CFAP46: variants seen among roughly 807,000 people sequenced by gnomAD.
CFAP46 encodes cilia and flagella associated protein 46.
CFAP46 carries 245 observed loss-of-function variants against 325.7 expected under a neutral mutation model. That is an observed-to-expected ratio of 0.75 (90% confidence interval 0.68 to 0.84). The LOEUF (loss-of-function observed/expected upper bound fraction) is 0.84, where lower values mean the gene tolerates loss of function less well. Among genes scored for constraint, CFAP46 ranks in the 40% least tolerant of loss-of-function variants. CFAP46 has a pLI of 0.00. For missense variants in CFAP46, 3,346 were observed against 3,543.0 expected, an observed-to-expected ratio of 0.94 and a Z score of 1.41; for synonymous variants, 1,523 against 1,495.9, an observed-to-expected ratio of 1.02 and a Z score of -0.42.
In CFAP46 at chr10:132,850,279, C is replaced by A. The variant is rs1054414118; in HGVS notation, c.5917G>T (p.Val1973Leu). 3 of 1,550,720 alleles carry A rather than the reference C, an allele frequency of 1.9e-6. No individual in the cohort carries two copies. The highest frequency in any genetic ancestry group is 2.4e-5 in the South Asian group (2 of 84,062). ...LHLLAMQADPVHPTCYWEAGP... is the reference protein window; with the variant it reads ...LHLLAMQADPLHPTCYWEAGP... The stretch of plus-strand genomic sequence containing the variant: ...GCCTCCCAGTAGCAGGTAGGGTGCA[C>A]AGGGTCAGCTTGCATGGCCAGCAGG... Residue 1973 changes from valine to leucine, a missense_variant, in exon 41 of 58, where the codon GTG (valine) becomes TTG (leucine). Coordinates refer to ENST00000368586, the MANE Select transcript of CFAP46 (RefSeq NM_001200049.3).
chr10:132,855,194 G>C (rs1848623260), intron 39 of CFAP46, among the ~76,000 whole-genome samples: 1 of 152,108 alleles, frequency 6.6e-6, no homozygotes, highest in Admixed American at 6.5e-5. Context: ...TTGCTTCATT[G>C]ATTGTGAAAC....
intron 29 of CFAP46, 57 bp from the exon 30 acceptor site, chr10:132,878,144 GC>G: frequency 6.7e-7 from 1 of 1,484,120 alleles, no homozygotes; most frequent in South Asian, 1.2e-5. Flanking sequence ...CGCCCACTCT[GC>G]CCACCCTCCA....
chr10:132,851,122 C>T lies in CFAP46; in HGVS notation c.5758G>A (p.Gly1920Ser), dbSNP rs143825819. 725 of 1,613,752 alleles carry T rather than the reference C, an allele frequency of 4.5e-4. No homozygotes were observed. In the African/African-American group the frequency reaches 8.1e-3, roughly 18 times the overall value. Reference protein sequence around the residue: ...LQNTSDYTSVGLQWFTLKRTL... With the variant: ...LQNTSDYTSVSLQWFTLKRTL... ...TCTGTGACCCCAGCAATTACCAGGC[C>T]GACGGAAGTGTAGTCACTGGTGTTC... The change falls in exon 40 of 58, where the codon GGC becomes AGC. Residue 1920 changes from glycine (G) to serine (S), a missense_variant. Physicochemically the swap from Gly to Ser is moderately conservative, Grantham distance 56. Transcript: ENST00000368586.
chr10:132,845,977 C>A, intron 44 of CFAP46, 80 bp downstream of exon 44: 5 of 1,455,978 alleles, frequency 3.4e-6, no homozygotes, highest in Non-Finnish European at 4.6e-6. Flanking sequence ...CTCGCTCAGG[C>A]GTGGGACTGT....
intron 56 of CFAP46, 93 bp downstream of exon 56, chr10:132,810,857 C>A: frequency 8.3e-7 from 1 of 1,211,710 alleles, no homozygotes; most frequent in South Asian, 1.3e-5. Context: ...GAAACCCGAC[C>A]CCAGGTCCCT....
rs138347723 is a variant in CFAP46 at position 132,880,721 on chromosome 10, G to A, written c.3799+140C>T. 704 of 778,122 alleles carry A rather than the reference G, an allele frequency of 9.0e-4. 4 individuals are homozygous for A. The highest frequency in any genetic ancestry group is 5.7e-3 in the South Asian group (301 of 52,850). The allele number at this position is 778,122 out of a possible 1,614,324, so 48.2% of individuals were successfully genotyped here. A position where few individuals can be genotyped will look rare whatever the true frequency, so the allele number is the denominator to read the frequency against. ...GTCAGGGGCCCCTGCAGAGGACAGC[G>A]CTGAGACACGTCAGGGGCTCCTGGC... On this transcript the variant is annotated intron_variant, in intron 28 of 57. Transcript: ENST00000368586.
intron 50 of CFAP46, among the ~76,000 whole-genome samples, chr10:132,818,021 C>A (rs1199169875): frequency 6.6e-6 from 1 of 152,224 alleles, no homozygotes; most frequent in Admixed American, 6.5e-5. Flanking sequence ...TGGGCCCACC[C>A]AGATCCCCAG....
At chr10:132,878,790 C>T (rs1166600584) in intron 29 of CFAP46, among the ~76,000 whole-genome samples, 1 of 152,170 alleles carries the variant, frequency 6.6e-6, no homozygotes, top group Middle Eastern at 3.2e-3. Flanking sequence ...CCTGAGATGC[C>T]CTATGGGGGC....
intron 16 of CFAP46, among the ~76,000 whole-genome samples, chr10:132,917,366 C>T (rs1232471400): frequency 2.0e-5 from 3 of 152,248 alleles, no homozygotes; most frequent in East Asian, 1.9e-4. Context: ...TGGTGCAGCG[C>T]GGTGGCTGCG....
At position 132,846,149 on chromosome 10, in the gene CFAP46, GGGCCGCCAGCTGTGAGCT is replaced by G; in HGVS notation, c.6328_6345del (p.Ser2110_Ala2115del). 1 of 1,611,526 alleles carries G rather than the reference GGGCCGCCAGCTGTGAGCT, an allele frequency of 6.2e-7. No homozygotes were observed. Among genetic ancestry groups the G allele is most frequent in the African/African-American group, 1.3e-5 (1 of 75,008 alleles). On this transcript the variant is annotated inframe_deletion, in exon 44 of 58. Coordinates refer to ENST00000368586, the MANE Select transcript of CFAP46 (RefSeq NM_001200049.3). ...CGGAGCTGGTGCTGTAGCTGCAGCA[GGGCCGCCAGCTGTGAGCT>G]GCTGGTGTTGGCTGTGGCTGCAAGC...
rs185948714 is a variant in CFAP46, at chr10:132,906,503, C to T, written c.2924+1965G>A. On this transcript the variant is annotated intron_variant, in intron 22 of 57. Coordinates refer to ENST00000368586, the MANE Select transcript of CFAP46 (RefSeq NM_001200049.3). ...CTGAGAAGAGTGAACGGGGTCCTGG[C>T]GCGTGATGCCCCATCCTGGGCACTG... is the stretch of plus-strand genomic sequence containing the variant. Among the ~76,000 whole-genome samples the T allele has an allele frequency of 2.5e-3, 350 of 141,530 alleles. 1 individual carries two copies. Among genetic ancestry groups the T allele is most frequent in the Non-Finnish European group, 4.1e-3 (263 of 64,754 alleles). 92.8% of individuals were successfully genotyped at this position (141,530 alleles called of 152,430 possible).
chr10:132,910,842 C>A (rs12412225), intron 19 of CFAP46, among the ~76,000 whole-genome samples: 53,576 of 152,000 alleles, frequency 0.35, 9,801 homozygotes, highest in Admixed American at 0.49. Context: ...TTCCACACAG[C>A]CATCCCATCG....
At chr10:132,814,286 G>A (rs768996589) in intron 53 of CFAP46, 32 bp from the exon 54 acceptor site, 29 of 1,554,094 alleles carry the variant, frequency 1.9e-5, no homozygotes, top group South Asian at 9.0e-5. Flanking sequence ...TACAGACCAC[G>A]GTGTTTCATC....
Position 132,866,013 on chromosome 10 carries a change from G to C in CFAP46, c.4890+12C>G. 10 of 1,493,570 alleles carry C rather than the reference G, an allele frequency of 6.7e-6. No individual in the cohort carries two copies. The highest frequency in any genetic ancestry group is 8.1e-6 in the Non-Finnish European group (9 of 1,117,052). The allele number at this position is 1,493,570 out of a possible 1,614,324, so 92.5% of individuals were successfully genotyped here. On this transcript the variant is annotated intron_variant, in intron 35 of 57. Coordinates refer to ENST00000368586, the MANE Select transcript of CFAP46 (RefSeq NM_001200049.3). ...GGCTGTGGATGGTGATGGGCTGGGA[G>C]GGGCTCCTCACCTGGAAAGCCAGGT...
Position 132,832,707 on chromosome 10 carries a change from C to T in CFAP46, c.7117+651G>A, listed in dbSNP as rs917731071. On this transcript the variant is annotated intron_variant, in intron 50 of 57. Transcript: ENST00000368586. The surrounding 1 kb of genome is among the most constrained non-coding windows in gnomAD (Gnocchi z 4.1). The stretch of plus-strand genomic sequence containing the variant: ...TCGGGGAAGCTTCACAACCGGGGCA[C>T]GTCTGCACAGCCAGCACTCAGTCAC... The T allele has an allele frequency of 6.4e-6, 3 of 467,538 alleles. No individual in the cohort carries two copies. Among genetic ancestry groups the T allele is most frequent in the East Asian group, 1.4e-4 (2 of 14,240 alleles). The allele number at this position is 467,538 out of a possible 1,614,324, so 29.0% of individuals were successfully genotyped here.
intron 44 of CFAP46, among the ~76,000 whole-genome samples, chr10:132,840,862 C>T (rs546920993): frequency 1.3e-5 from 2 of 152,116 alleles, no homozygotes; most frequent in South Asian, 4.1e-4. Flanking sequence ...CAGCGCTGTT[C>T]GGTTTTAGCC....
In CFAP46 at chr10:132,877,049, T is replaced by G. The variant is rs189083065; in HGVS notation, c.4213-88A>C. 16,666 of 1,380,480 alleles carry G rather than the reference T, an allele frequency of 0.012. 215 individuals carry two copies. The highest frequency in any genetic ancestry group is 0.06 in the Middle Eastern group (284 of 4,726). 85.5% of individuals were successfully genotyped at this position (1,380,480 alleles called of 1,614,324 possible). ...GCCCACCGGCATGGCTGTGCAGCATTCAGGCCACAGCCCTGGGCAGCCGGC... is the reference window on the plus strand; with the variant it reads ...GCCCACCGGCATGGCTGTGCAGCATGCAGGCCACAGCCCTGGGCAGCCGGC... On this transcript the variant is annotated intron_variant, in intron 30 of 57. Transcript: ENST00000368586. The surrounding 1 kb of genome is among the most constrained non-coding windows in gnomAD (Gnocchi z 5.7).
chr10:132,937,875 A>T (rs1164307425), intron 5 of CFAP46, among the ~76,000 whole-genome samples, 200 bp from the exon 6 acceptor site: 3 of 152,208 alleles, frequency 2.0e-5, no homozygotes, highest in Non-Finnish European at 4.4e-5. Context: ...TACCGCTAGC[A>T]CCGGGGCATT....
intron 50 of CFAP46, among the ~76,000 whole-genome samples, chr10:132,821,869 CTGTGT>C (rs1847844780): frequency 3.0e-5 from 4 of 132,030 alleles, no homozygotes; most frequent in Admixed American, 7.7e-5. Context: ...GCTGTGTGTG[CTGTGT>C]GCTGTGTGTG....
Sources: allele counts gnomAD v4.1 joint callset (sites outside exome capture counted in the v4.1 genomes callset), GRCh38; gene constraint gnomAD v4.1.1; non-coding constraint Gnocchi (gnomAD v3.1); transcripts MANE v1.5; gene names NCBI Gene and HGNC (gene_info 2026-07-23, HGNC 2026-07-21).